Variants in TMEM117 observed in about 807,000 individuals in gnomAD.
TMEM117 encodes transmembrane protein 117.
Under a neutral mutation model 52.4 loss-of-function variants are expected in TMEM117, and 27 were observed. The observed-to-expected ratio is 0.51, with a 90% CI of 0.38 to 0.71. The LOEUF (loss-of-function observed/expected upper bound fraction) is 0.71, where lower values mean the gene tolerates loss of function less well. TMEM117 is among the 30% of genes least tolerant of loss of function. The pLI is 0.00. For synonymous variants in TMEM117, 215 were observed against 206.3 expected (o/e 1.04, Z -0.36); for missense variants, 556 against 630.5 (o/e 0.88, Z 1.26).
At chr12:43,965,842 T>G (rs1450887730) in intron 3 of TMEM117, among the ~76,000 whole-genome samples, 1 of 152,206 alleles carries the variant, frequency 6.6e-6, no homozygotes, top group Non-Finnish European at 1.5e-5. Context: ...TGATTGATCT[T>G]GTCACCCAGG....
rs560359407 is a variant in TMEM117, at chr12:44,181,084, T to C, written c.511-30206T>C. Among the ~76,000 whole-genome samples, 17 of 152,326 alleles carry C rather than the reference T, an allele frequency of 1.1e-4. No homozygotes were observed. The South Asian group carries it at 3.1e-3, about 28-fold the overall frequency. The stretch of plus-strand genomic sequence containing the variant: ...ATGGTATCTCATTGTGGTTTTGATT[T>C]GCATTTCTCTGATGGCCAGTGATGA... On this transcript the variant is annotated intron_variant, in intron 4 of 7. Transcript: ENST00000266534.
At chr12:44,032,934 C>T (rs1946656287) in intron 3 of TMEM117, among the ~76,000 whole-genome samples, 1 of 152,146 alleles carries the variant, frequency 6.6e-6, no homozygotes, top group African/African-American at 2.4e-5. Flanking sequence ...TGAACTGGAA[C>T]AACTCCATCT....
At chr12:44,216,830 T>C (rs1475828254) in intron 5 of TMEM117, among the ~76,000 whole-genome samples, 1 of 152,134 alleles carries the variant, frequency 6.6e-6, no homozygotes, top group African/African-American at 2.4e-5. Context: ...TGGAAATCCA[T>C]AGGATTAAAT....
intron 2 of TMEM117, among the ~76,000 whole-genome samples, chr12:43,916,488 A>G (rs921705515): frequency 2.0e-5 from 3 of 152,206 alleles, no homozygotes; most frequent in African/African-American, 7.2e-5. Context: ...ATTAAATATC[A>G]TGTATAAGCA....
intron 2 of TMEM117, among the ~76,000 whole-genome samples, chr12:43,864,355 T>G (rs948321584): frequency 6.6e-6 from 1 of 152,232 alleles, no homozygotes; most frequent in Admixed American, 6.5e-5. Context: ...TGAAGCCAGC[T>G]GGGCTTCTGA....
chr12:44,005,824 T>A (rs1946185782), intron 3 of TMEM117, among the ~76,000 whole-genome samples: 1 of 152,112 alleles, frequency 6.6e-6, no homozygotes. Flanking sequence ...CTTGTGATAG[T>A]GAATAAATCT....
At chr12:44,186,235 G>A (rs1949276593) in intron 4 of TMEM117, among the ~76,000 whole-genome samples, 1 of 152,144 alleles carries the variant, frequency 6.6e-6, no homozygotes, top group Admixed American at 6.5e-5. Context: ...AGCCCTTCCA[G>A]GACCAATACT....
intron 2 of TMEM117, among the ~76,000 whole-genome samples, chr12:43,902,638 A>G (rs937751366): frequency 1.3e-5 from 2 of 152,140 alleles, no homozygotes; most frequent in Non-Finnish European, 2.9e-5. Context: ...CCATGGTAGT[A>G]TCACCCAAAG....
chr12:43,795,854 G>T, the TMEM117 span: 1 of 1,205,520 alleles, frequency 8.3e-7, no homozygotes, highest in Non-Finnish European at 1.2e-6. Context: ...ACCCTTTCCA[G>T]TAAGGCAGAA....
chr12:44,168,581 G>A (rs78171750), intron 4 of TMEM117, among the ~76,000 whole-genome samples: 1,749 of 151,852 alleles, frequency 0.012, 22 homozygotes, highest in South Asian at 0.052. Flanking sequence ...TCTTGTGTCG[G>A]GCTATTCTAA....
chr12:44,313,948 G>T (rs562874965), intron 6 of TMEM117, among the ~76,000 whole-genome samples: 2 of 152,258 alleles, frequency 1.3e-5, no homozygotes, highest in South Asian at 4.2e-4. Flanking sequence ...TTTATATGCT[G>T]ATTTTGTGTC....
intron 6 of TMEM117, among the ~76,000 whole-genome samples, chr12:44,363,524 G>A (rs199688940): frequency 6.6e-6 from 1 of 151,816 alleles, no homozygotes; most frequent in East Asian, 1.9e-4. Flanking sequence ...TAATTGTCAG[G>A]GCATGATTAA....
At chr12:43,821,097 A>T in the TMEM117 span, among the ~76,000 whole-genome samples, 1 of 146,676 alleles carries the variant, frequency 6.8e-6, no homozygotes, top group Non-Finnish European at 1.5e-5. Context: ...TCCCTCTCAC[A>T]TTAAAAAAAA....
chr12:44,205,281 A>G (rs1271493810), intron 4 of TMEM117, among the ~76,000 whole-genome samples: 1 of 152,144 alleles, frequency 6.6e-6, no homozygotes, highest in African/African-American at 2.4e-5. Flanking sequence ...GGTTTTATAA[A>G]TGGGAGTTCC....
chr12:44,242,914 CGTGAGCACGT>C (rs1293192114), intron 5 of TMEM117, among the ~76,000 whole-genome samples: 4 of 151,626 alleles, frequency 2.6e-5, no homozygotes, highest in Admixed American at 6.6e-5. Context: ...TGTGCAACCT[CGTGAGCACGT>C]GTTGTTTACT....
At chr12:44,180,434 T>A (rs1187782283) in intron 4 of TMEM117, among the ~76,000 whole-genome samples, 2 of 151,284 alleles carry the variant, frequency 1.3e-5, no homozygotes, top group Non-Finnish European at 2.9e-5. Flanking sequence ...ACATGTGCCA[T>A]GCTGGTGCGC....
chr12:44,024,352 G>A (rs2085320702), intron 3 of TMEM117, among the ~76,000 whole-genome samples: 3 of 152,160 alleles, frequency 2.0e-5, no homozygotes, highest in Admixed American at 2.0e-4. Flanking sequence ...AAAAATATGA[G>A]TGCTGTATGG....
At chr12:44,090,028 G>A (rs920893922) in intron 3 of TMEM117, among the ~76,000 whole-genome samples, 2 of 152,020 alleles carry the variant, frequency 1.3e-5, no homozygotes, top group African/African-American at 4.8e-5. Context: ...TGTCTTATGT[G>A]TTTATCCCAT....
At chr12:43,950,903 G>A (rs2137633860) in intron 3 of TMEM117, among the ~76,000 whole-genome samples, 1 of 152,332 alleles carries the variant, frequency 6.6e-6, no homozygotes, top group East Asian at 1.9e-4. Flanking sequence ...CTCCCAGGGA[G>A]ACCAACACAG....
Sources: gnomAD v4.1 joint callset for allele counts (sites outside exome capture counted in the v4.1 genomes callset) on GRCh38, gnomAD v4.1.1 for gene constraint, MANE v1.5 for transcripts, NCBI Gene and HGNC (gene_info 2026-07-23, HGNC 2026-07-21) for gene names.